Variants in SLC24A2 observed in about 807,000 individuals in gnomAD.
SLC24A2 encodes the protein solute carrier family 24 member 2.
In SLC24A2, 36 loss-of-function variants were observed where a neutral mutation model predicts 62.0. That is an observed-to-expected ratio of 0.58 (90% CI 0.44 to 0.77). The LOEUF (loss-of-function observed/expected upper bound fraction) is 0.77, where lower values mean the gene tolerates loss of function less well. SLC24A2 is among the 30% of genes least tolerant of loss of function. The pLI is 0.00. For synonymous variants in SLC24A2, 358 were observed against 294.0 expected (o/e 1.22, Z -2.23); for missense variants, 846 against 817.9 (o/e 1.03, Z -0.42).
chr9:20,257,772 C>A, the SLC24A2 span, among the ~76,000 whole-genome samples: 1 of 152,160 alleles, frequency 6.6e-6, no homozygotes, highest in Non-Finnish European at 1.5e-5. Context: ...ATGGAAATGA[C>A]CTGGCACATA....
Position 19,515,725 on chromosome 9 carries a change from T to C in SLC24A2, c.*428A>G, listed in dbSNP as rs971929587. On this transcript the variant is annotated 3_prime_UTR_variant, in exon 11 of 11. Transcript: ENST00000341998. ...ATATATATATAATTTTTCTTTGTCT[T>C]TATTTACAGGTATGTACTAATCTAT... The C allele has an allele frequency of 6.5e-6, 1 of 152,856 alleles. No homozygotes were observed. Among genetic ancestry groups the C allele is most frequent in the Non-Finnish European group, 1.5e-5 (1 of 68,638 alleles). 9.5% of individuals were successfully genotyped at this position (152,856 alleles called of 1,614,324 possible).
At chr9:20,295,367 G>C in the SLC24A2 span, among the ~76,000 whole-genome samples, 1 of 152,264 alleles carries the variant, frequency 6.6e-6, no homozygotes, top group East Asian at 1.9e-4. Flanking sequence ...TAGTGTCTTT[G>C]TTTAGAAATT....
chr9:19,720,696 C>CA (rs1169353015), intron 2 of SLC24A2, among the ~76,000 whole-genome samples: 1 of 81,528 alleles, frequency 1.2e-5, no homozygotes, highest in Non-Finnish European at 2.8e-5. Context: ...ACAACCCCCC[C>CA]CCCCAAAAAA....
intron 8 of SLC24A2, among the ~76,000 whole-genome samples, chr9:19,541,959 A>C (rs1004841285): frequency 1.3e-5 from 2 of 152,116 alleles, no homozygotes; most frequent in Admixed American, 1.3e-4. Flanking sequence ...GGTGGGAGTG[A>C]CCCGATTTTC....
At chr9:20,169,092 C>T in the SLC24A2 span, among the ~76,000 whole-genome samples, 1 of 151,822 alleles carries the variant, frequency 6.6e-6, no homozygotes, top group Non-Finnish European at 1.5e-5. Flanking sequence ...GTGAAATAAG[C>T]CAGACACAGA....
At chr9:19,950,332 G>C in the SLC24A2 span, among the ~76,000 whole-genome samples, 8 of 152,216 alleles carry the variant, frequency 5.3e-5, no homozygotes, top group East Asian at 5.8e-4. Context: ...CTTCTATCTT[G>C]TTTAAGCTAT....
At chr9:19,865,377 A>G in the SLC24A2 span, among the ~76,000 whole-genome samples, 1 of 152,270 alleles carries the variant, frequency 6.6e-6, no homozygotes, top group East Asian at 1.9e-4. Context: ...CAAAAGACAC[A>G]AAAGACCCAG....
intron 2 of SLC24A2, among the ~76,000 whole-genome samples, chr9:19,624,002 G>A (rs1007071074): frequency 1.3e-4 from 20 of 152,240 alleles, no homozygotes; most frequent in East Asian, 7.7e-4. Context: ...CCAAGAGCCT[G>A]CTTGCAGAAC....
chr9:20,246,046 A>G, the SLC24A2 span, among the ~76,000 whole-genome samples: 1 of 152,212 alleles, frequency 6.6e-6, no homozygotes, highest in South Asian at 2.1e-4. Flanking sequence ...AGAAGGAAAC[A>G]TGCTCTGTAA....
chr9:20,233,377 C>T, the SLC24A2 span, among the ~76,000 whole-genome samples: 3 of 152,084 alleles, frequency 2.0e-5, no homozygotes, highest in Non-Finnish European at 4.4e-5. Flanking sequence ...CTTTGTAGGT[C>T]ACTCAGGACT....
the SLC24A2 span, among the ~76,000 whole-genome samples, chr9:20,199,727 T>C: frequency 5.3e-5 from 8 of 151,528 alleles, no homozygotes; most frequent in Middle Eastern, 3.4e-3. Context: ...TCTTTCTTTT[T>C]TTTTTTTTTC....
At chr9:20,014,248 T>C in the SLC24A2 span, among the ~76,000 whole-genome samples, 1 of 152,034 alleles carries the variant, frequency 6.6e-6, no homozygotes, top group African/African-American at 2.4e-5. Context: ...TTGGAGTAGA[T>C]GCAGAGAAAA....
chr9:20,119,916 G>T, the SLC24A2 span, among the ~76,000 whole-genome samples: 1 of 152,060 alleles, frequency 6.6e-6, no homozygotes, highest in African/African-American at 2.4e-5. Flanking sequence ...TTAGAGGATC[G>T]GAACAACACA....
At position 19,512,432 on chromosome 9, in the gene SLC24A2, A is replaced by C. The variant is rs1203135632; in HGVS notation, c.*3721T>G. 6.6e-6 allele frequency: 1 copy of C among 152,268 alleles called. No individual in the cohort carries two copies. Among genetic ancestry groups the C allele is most frequent in the Non-Finnish European group, 1.5e-5 (1 of 68,084 alleles). The allele number at this position is 152,268 out of a possible 1,614,324, so 9.4% of individuals were successfully genotyped here. On this transcript the variant is annotated 3_prime_UTR_variant, in exon 11 of 11. Transcript: ENST00000341998. ...ATCTGCCGAGGGTATAAACAACCCT[A>C]TCCCTTAGTCCCTGCATATATCATT...
At chr9:19,701,470 C>G (rs1214088852) in intron 2 of SLC24A2, among the ~76,000 whole-genome samples, 1 of 152,170 alleles carries the variant, frequency 6.6e-6, no homozygotes, top group Non-Finnish European at 1.5e-5. Flanking sequence ...GGTGGAAGAA[C>G]TCTGAGCTGT....
At chr9:19,572,259 CAAAAAA>C (rs34529143) in intron 7 of SLC24A2, among the ~76,000 whole-genome samples, 5 of 69,784 alleles carry the variant, frequency 7.2e-5, no homozygotes, top group Non-Finnish European at 1.3e-4. Flanking sequence ...GAGTCCGTCT[CAAAAAA>C]AAAAAAAAAA....
chr9:20,260,700 T>A, the SLC24A2 span, among the ~76,000 whole-genome samples: 101 of 152,274 alleles, frequency 6.6e-4, no homozygotes, highest in Non-Finnish European at 1.2e-3. Context: ...GGTGTTTGGC[T>A]ACATGAATAA....
the SLC24A2 span, among the ~76,000 whole-genome samples, chr9:19,838,265 C>T: frequency 2.0e-5 from 3 of 152,044 alleles, no homozygotes; most frequent in Non-Finnish European, 4.4e-5. Flanking sequence ...AATAATGCCA[C>T]ATATCTACAA....
chr9:19,533,604 A>G (rs927606893), intron 8 of SLC24A2, among the ~76,000 whole-genome samples: 1 of 152,170 alleles, frequency 6.6e-6, no homozygotes, highest in African/African-American at 2.4e-5. Context: ...GAGATAAGAG[A>G]GTATGTGGAG....
Sources: allele counts gnomAD v4.1 joint callset (sites outside exome capture counted in the v4.1 genomes callset), GRCh38; gene constraint gnomAD v4.1.1; transcripts MANE v1.5; gene names NCBI Gene and HGNC (gene_info 2026-07-23, HGNC 2026-07-21).